The following ZNF638 variants were observed in gnomAD, a reference collection of about 807,000 sequenced individuals.
ZNF638 encodes CTCL tumor antigen se33-1.
ZNF638 carries 46 observed loss-of-function variants against 195.6 expected under a neutral mutation model. The ratio of observed to expected loss-of-function variants is 0.24; its 90% confidence interval spans 0.19 to 0.30. ZNF638 has a LOEUF of 0.30. Ranked by LOEUF, ZNF638 falls within the 10% of genes least tolerant of loss-of-function variation. The pLI is 1.00. For missense variants in ZNF638, 2,440 were observed against 2,325.3 expected (o/e 1.05, Z -1.01); for synonymous variants, 845 against 772.0 (o/e 1.09, Z -1.57).
At chr2:71,390,231 A>T (rs1573101942) in intron 10 of ZNF638, among the ~76,000 whole-genome samples, 4 of 152,318 alleles carry the variant, frequency 2.6e-5, no homozygotes, top group Admixed American at 2.6e-4. Context: ...CCTGCTCCAA[A>T]CTTGGGCAAT....
intron 25 of ZNF638, among the ~76,000 whole-genome samples, chr2:71,429,732 T>C (rs891835957): frequency 3.9e-5 from 6 of 152,218 alleles, no homozygotes; most frequent in Admixed American, 1.3e-4. Flanking sequence ...ATGATGTTGA[T>C]GAAACCCCCA....
At chr2:71,433,076 G>C in intron 26 of ZNF638, 89 bp from the exon 27 acceptor site, 1 of 1,064,246 alleles carries the variant, frequency 9.4e-7, no homozygotes, top group Non-Finnish European at 1.4e-6. Flanking sequence ...GACAGAGTGA[G>C]ACTCCGTCTC....
intron 1 of ZNF638, among the ~76,000 whole-genome samples, chr2:71,335,104 A>T (rs984616124): frequency 1.3e-5 from 2 of 152,088 alleles, no homozygotes; most frequent in Non-Finnish European, 2.9e-5. Flanking sequence ...TAAGGCCACC[A>T]TGGTTCCCTG....
At chr2:71,418,710 AG>A in intron 21 of ZNF638, 71 bp downstream of exon 21, 4 of 1,093,376 alleles carry the variant, frequency 3.7e-6, no homozygotes, top group Non-Finnish European at 5.2e-6. Context: ...TGTATTTTAT[AG>A]TAATGGCTCA....
chr2:71,343,187 GT>G (rs927529043), intron 1 of ZNF638, among the ~76,000 whole-genome samples: 2 of 151,588 alleles, frequency 1.3e-5, no homozygotes, highest in South Asian at 2.1e-4. Flanking sequence ...ACTGAAATTT[GT>G]TTTTTTTCTG....
chr2:71,376,839 C>T (rs1244874498), intron 8 of ZNF638, among the ~76,000 whole-genome samples: 2 of 152,166 alleles, frequency 1.3e-5, no homozygotes, highest in African/African-American at 4.8e-5. Context: ...TTAATAATAA[C>T]CTCGACATCC....
At chr2:71,410,991 C>A (rs1217539197) in intron 20 of ZNF638, among the ~76,000 whole-genome samples, 1 of 45,306 alleles carries the variant, frequency 2.2e-5, no homozygotes, top group South Asian at 1.1e-3. Context: ...CCTCCCCCCC[C>A]CTTTTTTTTT....
intron 3 of ZNF638, among the ~76,000 whole-genome samples, chr2:71,358,478 G>T (rs186071480): frequency 6.6e-6 from 1 of 152,170 alleles, no homozygotes; most frequent in East Asian, 1.9e-4. Context: ...GTGTGTATTA[G>T]CACCTGTATG....
rs375424198 is a variant in ZNF638, at chr2:71,428,657, G to T, written c.5650+6G>T. ...GGCCTTCCAGATGAGTGAAGGTAAA[G>T]CAGGATTGTTGGAATGGGAAGGAAA... On this transcript the variant is annotated splice_donor_region_variant and intron_variant, in intron 25 of 27. Coordinates refer to ENST00000264447, the MANE Select transcript of ZNF638 (RefSeq NM_014497.5). 1.2e-6 allele frequency: 2 copies of T among 1,610,602 alleles called. No homozygotes were observed. Among genetic ancestry groups the T allele is most frequent in the African/African-American group, 2.7e-5 (2 of 74,690 alleles).
intron 8 of ZNF638, among the ~76,000 whole-genome samples, chr2:71,370,369 T>G (rs2079287264): frequency 6.6e-6 from 1 of 152,206 alleles, no homozygotes; most frequent in Admixed American, 6.5e-5. Flanking sequence ...ACTAACTTGA[T>G]TTCTAATGCC....
At chr2:71,356,962 A>C (rs1349289451) in intron 3 of ZNF638, among the ~76,000 whole-genome samples, 2 of 151,976 alleles carry the variant, frequency 1.3e-5, no homozygotes, top group Non-Finnish European at 2.9e-5. Context: ...GGCCTTATGA[A>C]ATCTTGGACA....
rs544247246 is a variant in ZNF638 at position 71,416,840 on chromosome 2, G to C, written c.3262-1762G>C. On this transcript the variant is annotated intron_variant, in intron 20 of 27. Coordinates refer to ENST00000264447, the MANE Select transcript of ZNF638 (RefSeq NM_014497.5). ...TGAGGAGGCAGTCTGCCCGTTCTCA[G>C]ATCTCCAGCTGCGTGCTGGGAGAAC... Among the ~76,000 whole-genome samples the C allele has an allele frequency of 3.6e-3, 501 of 137,390 alleles. 4 individuals carry two copies. The highest frequency in any genetic ancestry group is 0.013 in the African/African-American group (462 of 35,992). 90.1% of individuals were successfully genotyped at this position (137,390 alleles called of 152,430 possible).
At chr2:71,384,117 C>T (rs2079589931) in intron 10 of ZNF638, among the ~76,000 whole-genome samples, 1 of 152,198 alleles carries the variant, frequency 6.6e-6, no homozygotes, top group Middle Eastern at 3.2e-3. Context: ...TTCAGCCAAT[C>T]AGTGGCGGAT....
chr2:71,390,324 T>TA, intron 10 of ZNF638, among the ~76,000 whole-genome samples: 1 of 152,242 alleles, frequency 6.6e-6, no homozygotes, highest in South Asian at 2.1e-4. Context: ...GGATTGGGCT[T>TA]ACTCTGCCCC....
intron 6 of ZNF638, 35 bp from the exon 7 acceptor site, chr2:71,368,347 G>T (rs2079243725): frequency 1.3e-6 from 2 of 1,587,926 alleles, no homozygotes; most frequent in South Asian, 2.3e-5. Flanking sequence ...AGCTTAATTT[G>T]GTTTATTTTA....
Position 71,406,167 on chromosome 2 carries a change from G to C in ZNF638, c.3040G>C (p.Asp1014His). 6.2e-7 allele frequency: 1 copy of C among 1,613,726 alleles called. No homozygotes were observed. Among genetic ancestry groups the C allele is most frequent in the South Asian group, 1.1e-5 (1 of 91,066 alleles). ...DTIYDRFVHL[D>H]NLPEDGLQCV... The stretch of plus-strand genomic sequence containing the variant: ...AATTTATGATCGATTTGTACATCTT[G>C]ATAATTTACCGGAAGATGGACTTCA... Residue 1014 changes from aspartate (D) to histidine (H), a missense_variant, in exon 19 of 28, where the codon GAT becomes CAT. Asp to His is a moderately conservative substitution (Grantham distance 81, BLOSUM62 -1). Transcript: ENST00000264447.
intron 10 of ZNF638, among the ~76,000 whole-genome samples, chr2:71,385,693 CTG>C (rs1341437805): frequency 5.3e-5 from 8 of 152,164 alleles, no homozygotes; most frequent in Non-Finnish European, 7.3e-5. Context: ...AGTTTTCTGT[CTG>C]TGATACTGTA....
chr2:71,369,977 T>C lies in ZNF638; in HGVS notation c.2237T>C (p.Ile746Thr). 6.3e-7 allele frequency: 1 copy of C among 1,596,700 alleles called. No individual in the cohort carries two copies. The change falls in exon 8 of 28, where the codon ATA (isoleucine) becomes ACA (threonine). Residue 746 changes from isoleucine to threonine, a missense_variant. Coordinates refer to ENST00000264447, the MANE Select transcript of ZNF638 (RefSeq NM_014497.5). ...PLTIKGKSVK[I>T]CVPGKKKAQN... ...ACGATAAAAGGAAAAAGTGTGAAAATATGTGTTCCAGGAAAGAAAAAAGCA... is the reference window on the plus strand; with the variant it reads ...ACGATAAAAGGAAAAAGTGTGAAAACATGTGTTCCAGGAAAGAAAAAAGCA...
intron 24 of ZNF638, among the ~76,000 whole-genome samples, chr2:71,428,045 A>G (rs2080575388): frequency 6.6e-6 from 1 of 152,082 alleles, no homozygotes; most frequent in African/African-American, 2.4e-5. Flanking sequence ...TTAAAAAATG[A>G]GCCAGGCACG....
Sources: allele counts gnomAD v4.1 joint callset (sites outside exome capture counted in the v4.1 genomes callset), GRCh38; gene constraint gnomAD v4.1.1; transcripts MANE v1.5; gene names NCBI Gene and HGNC (gene_info 2026-07-23, HGNC 2026-07-21).